Variants in FAM83B observed in about 807,000 individuals in gnomAD.
FAM83B encodes the protein protein FAM83B.
A neutral mutation model predicts 38.8 loss-of-function variants in FAM83B; 26 were observed. The observed-to-expected ratio is 0.67, with a 90% CI of 0.49 to 0.93. The LOEUF (loss-of-function observed/expected upper bound fraction) is 0.93. FAM83B is among the 40% of genes least tolerant of loss of function. The probability of loss-of-function intolerance (pLI) is 0.00; values close to 1 mark genes in which losing one functional copy is unlikely to be tolerated. For missense variants in FAM83B, 1,237 were observed against 1,197.3 expected, an observed-to-expected ratio of 1.03 and a Z score of -0.49; for synonymous variants, 419 against 423.1, an observed-to-expected ratio of 0.99 and a Z score of 0.12.
Position 54,942,095 on chromosome 6 carries a change from A to G in FAM83B, c.*88A>G. 2.2e-6 allele frequency: 3 copies of G among 1,335,930 alleles called. No individual in the cohort carries two copies. The highest frequency in any genetic ancestry group is 2.0e-6 in the Non-Finnish European group (2 of 983,142). The allele number at this position is 1,335,930 out of a possible 1,614,324, so 82.8% of individuals were successfully genotyped here. A position where few individuals can be genotyped will look rare whatever the true frequency, so the allele number is the denominator to read the frequency against. ...TTGTAACATGCCAATAGATTTTCCT[A>G]AGGACAGAATTATGGGTATGATGTA... On this transcript the variant is annotated 3_prime_UTR_variant, in exon 5 of 5. Transcript: ENST00000306858.
chr6:54,853,715 T>G (rs929809687), intron 1 of FAM83B, among the ~76,000 whole-genome samples: 61 of 152,232 alleles, frequency 4.0e-4, no homozygotes, highest in Non-Finnish European at 1.6e-4. Context: ...CTGATGGAGA[T>G]TAATGTTGTT....
chr6:54,862,507 C>T (rs1392927743), intron 1 of FAM83B, among the ~76,000 whole-genome samples: 1 of 152,040 alleles, frequency 6.6e-6, no homozygotes, highest in South Asian at 2.1e-4. Flanking sequence ...GTGTGTGGCC[C>T]GTGGTGGACA....
At chr6:54,900,134 A>G (rs1397845496) in intron 2 of FAM83B, among the ~76,000 whole-genome samples, 1 of 152,180 alleles carries the variant, frequency 6.6e-6, no homozygotes, top group Non-Finnish European at 1.5e-5. Flanking sequence ...TTGTACATTC[A>G]TTTCTGTAGC....
intron 2 of FAM83B, among the ~76,000 whole-genome samples, chr6:54,890,341 T>C (rs1772371788): frequency 6.6e-6 from 1 of 152,136 alleles, no homozygotes; most frequent in Non-Finnish European, 1.5e-5. Context: ...GATTGCCTTG[T>C]CATCTGCCTT....
At position 54,940,833 on chromosome 6, in the gene FAM83B, C is replaced by T; in HGVS notation, c.1862C>T (p.Ser621Leu). ...ACCTTGCAGGTTCCTGAAAACCACT[C>T]AGTAGCCTTAAACCAAACTACAAAT... ...MHTLQVPENHSVALNQTTNGH... is the reference protein window; with the variant it reads ...MHTLQVPENHLVALNQTTNGH... The change falls in exon 5 of 5, where the codon TCA becomes TTA. Residue 621 changes from serine (S) to leucine (L), a missense_variant. By Grantham distance (145) the Ser-to-Leu change is moderately radical. Transcript: ENST00000306858. 6.2e-7 allele frequency: 1 copy of T among 1,614,016 alleles called. No individual in the cohort carries two copies. The highest frequency in any genetic ancestry group is 8.5e-7 in the Non-Finnish European group (1 of 1,180,008).
chr6:54,866,475 C>A (rs958184590), intron 1 of FAM83B, among the ~76,000 whole-genome samples: 1 of 152,094 alleles, frequency 6.6e-6, no homozygotes, highest in Non-Finnish European at 1.5e-5. Flanking sequence ...ATAGCCACAT[C>A]TACCTCTCCG....
chr6:54,914,384 T>C (rs1005985527), intron 2 of FAM83B, among the ~76,000 whole-genome samples: 2 of 152,206 alleles, frequency 1.3e-5, no homozygotes, highest in African/African-American at 4.8e-5. Context: ...ACTTACATTC[T>C]GTCTCACCCT....
intron 4 of FAM83B, among the ~76,000 whole-genome samples, chr6:54,935,011 T>C (rs1367268294): frequency 6.6e-6 from 1 of 152,264 alleles, no homozygotes; most frequent in East Asian, 1.9e-4. Context: ...ACTTCCCTTT[T>C]CCCTTTGCTA....
chr6:54,868,536 C>T (rs1189944183), intron 1 of FAM83B, among the ~76,000 whole-genome samples: 1 of 152,106 alleles, frequency 6.6e-6, no homozygotes, highest in Admixed American at 6.6e-5. Flanking sequence ...AATTTTATTT[C>T]CCCATGCGAT....
chr6:54,882,712 A>G (rs1400733988), intron 2 of FAM83B, among the ~76,000 whole-genome samples: 1 of 151,992 alleles, frequency 6.6e-6, no homozygotes, highest in African/African-American at 2.4e-5. Context: ...TCCCTCAATT[A>G]CTTCCACTCC....
intron 3 of FAM83B, among the ~76,000 whole-genome samples, chr6:54,926,818 C>T (rs1029831769): frequency 5.3e-5 from 8 of 152,022 alleles, no homozygotes; most frequent in African/African-American, 1.9e-4. Flanking sequence ...CTGCTACCTC[C>T]GCCTCCCAGG....
chr6:54,920,580 G>A (rs1773145125), intron 2 of FAM83B, among the ~76,000 whole-genome samples: 1 of 151,878 alleles, frequency 6.6e-6, no homozygotes, highest in Admixed American at 6.6e-5. Flanking sequence ...GAAAAACAAT[G>A]TAGGTTTTAA....
chr6:54,924,724 T>A (rs376212696), intron 2 of FAM83B, among the ~76,000 whole-genome samples: 1 of 152,012 alleles, frequency 6.6e-6, no homozygotes, highest in Non-Finnish European at 1.5e-5. Context: ...TACCTTACAG[T>A]CAGTCCATCC....
At chr6:54,883,615 C>T (rs548448232) in intron 2 of FAM83B, among the ~76,000 whole-genome samples, 10 of 151,864 alleles carry the variant, frequency 6.6e-5, no homozygotes, top group Admixed American at 3.9e-4. Flanking sequence ...GGATTACAGG[C>T]GTGAGCCACC....
intron 2 of FAM83B, among the ~76,000 whole-genome samples, chr6:54,920,487 A>C (rs1473610021): frequency 6.6e-6 from 1 of 151,924 alleles, no homozygotes; most frequent in African/African-American, 2.4e-5. Context: ...ACATTAACCC[A>C]AGGTACACCT....
chr6:54,891,294 A>G (rs950195481), intron 2 of FAM83B, among the ~76,000 whole-genome samples: 2 of 151,916 alleles, frequency 1.3e-5, no homozygotes, highest in African/African-American at 4.8e-5. Context: ...ACCTTGTAAT[A>G]TCCTTTAGTC....
intron 2 of FAM83B, among the ~76,000 whole-genome samples, chr6:54,918,468 C>T (rs9382398): frequency 0.31 from 47,478 of 151,912 alleles, 8,950 homozygotes; most frequent in East Asian, 0.8. Context: ...GCAGGGCTGG[C>T]GATGCCTCAG....
chr6:54,849,673 A>T lies in FAM83B; in HGVS notation c.-61+2847A>T, dbSNP rs565786015. ...AATCACATGATCATGAACGGTAGGAAACTTTTCCTCTGGGGACATCTAATT... is the reference window on the plus strand; with the variant it reads ...AATCACATGATCATGAACGGTAGGATACTTTTCCTCTGGGGACATCTAATT... On this transcript the variant is annotated intron_variant, in intron 1 of 4. Coordinates refer to ENST00000306858, the MANE Select transcript of FAM83B (RefSeq NM_001010872.3). Among the ~76,000 whole-genome samples the T allele has an allele frequency of 4.0e-5, 6 of 151,328 alleles. No individual in the cohort carries two copies. The East Asian group carries it at 1.2e-3, about 29-fold the overall frequency.
chr6:54,854,704 C>G (rs982890783), intron 1 of FAM83B, among the ~76,000 whole-genome samples: 2 of 152,166 alleles, frequency 1.3e-5, no homozygotes, highest in African/African-American at 4.8e-5. Context: ...CATTTTATTG[C>G]AATACTCACT....
Sources: gnomAD v4.1 joint callset for allele counts (sites outside exome capture counted in the v4.1 genomes callset) on GRCh38, gnomAD v4.1.1 for gene constraint, MANE v1.5 for transcripts, NCBI Gene and HGNC (gene_info 2026-07-23, HGNC 2026-07-21) for gene names.